FSCN3: variants seen among roughly 807,000 people sequenced by gnomAD.
FSCN3 encodes fascin actin-bundling protein 3, also known as fascin-3.
FSCN3 carries 43 observed loss-of-function variants against 53.5 expected under a neutral mutation model. The observed-to-expected ratio is 0.80, with a 90% CI of 0.63 to 1.04. The LOEUF is 1.04. FSCN3 is among the 50% of genes least tolerant of loss of function. FSCN3 has a pLI of 0.00. For missense variants in FSCN3, 594 were observed against 646.5 expected, an observed-to-expected ratio of 0.92 and a Z score of 0.88; for synonymous variants, 235 against 246.6, an observed-to-expected ratio of 0.95 and a Z score of 0.44.
At chr7:127,597,781 T>C (rs1295274894) in intron 3 of FSCN3, among the ~76,000 whole-genome samples, 1 of 152,164 alleles carries the variant, frequency 6.6e-6, no homozygotes, top group Non-Finnish European at 1.5e-5. Flanking sequence ...CCCGTTTTCA[T>C]GTGCTCATTG....
intron 3 of FSCN3, 171 bp downstream of exon 3, chr7:127,596,617 A>G: frequency 4.8e-6 from 2 of 416,734 alleles, no homozygotes; most frequent in Non-Finnish European, 8.5e-6. Context: ...AAAAAAAAAC[A>G]AAAATCAACT....
In FSCN3 at chr7:127,599,263, T is replaced by C. The variant is rs929315639; in HGVS notation, c.1121-118T>C. ...ATAAGACCTGACACATAGTAGGTGT[T>C]CATTCACTGTTAAAATATTGACCAC... On this transcript the variant is annotated intron_variant, in intron 4 of 6. Coordinates refer to ENST00000265825, the MANE Select transcript of FSCN3 (RefSeq NM_020369.3). The C allele has an allele frequency of 2.0e-5, 15 of 749,366 alleles. No individual in the cohort carries two copies. The Admixed American group carries it at 2.9e-4, about 14-fold the overall frequency. 46.4% of individuals were successfully genotyped at this position (749,366 alleles called of 1,614,324 possible).
intron 4 of FSCN3, 24 bp downstream of exon 4, chr7:127,598,618 A>G: frequency 6.4e-7 from 1 of 1,572,768 alleles, no homozygotes; most frequent in Non-Finnish European, 8.7e-7. Context: ...CCTTCCTGCC[A>G]GATGATTCCA....
intron 3 of FSCN3, among the ~76,000 whole-genome samples, chr7:127,597,650 T>C (rs1357153087): frequency 6.6e-6 from 1 of 152,050 alleles, no homozygotes; most frequent in Admixed American, 6.6e-5. Context: ...AGCTAATTTT[T>C]TGTATTTTTA....
chr7:127,595,087 A>G lies in FSCN3; in HGVS notation c.145-220A>G, dbSNP rs754332020. Reference sequence around the variant, plus strand: ...CTAGAACTTCTCTTTGGATAGTGCCATCTGGCTGCAGGGGTGGAAGGGCCC... The same window carrying G: ...CTAGAACTTCTCTTTGGATAGTGCCGTCTGGCTGCAGGGGTGGAAGGGCCC... On this transcript the variant is annotated intron_variant, in intron 1 of 6. Transcript: ENST00000265825. The G allele has an allele frequency of 1.3e-3, 808 of 599,544 alleles. 3 individuals are homozygous for G. The highest frequency in any genetic ancestry group is 1.2e-3 in the Non-Finnish European group (418 of 337,898). 37.1% of individuals were successfully genotyped at this position (599,544 alleles called of 1,614,324 possible).
intron 2 of FSCN3, 99 bp from the exon 3 acceptor site, chr7:127,596,229 T>C (rs191828376): frequency 2.5e-5 from 39 of 1,533,228 alleles, no homozygotes; most frequent in Non-Finnish European, 3.3e-5. Context: ...CAGAAAGTGA[T>C]GAAGTTTGAG....
chr7:127,600,349 C>G lies in FSCN3; in HGVS notation c.1447C>G (p.Leu483Val), dbSNP rs1562957068. Residue 483 changes from leucine to valine, a missense_variant, in exon 6 of 7, where the codon CTG becomes GTG. Transcript: ENST00000265825. ...CATGCGAGCCGACCAAAGTGGCACC[C>G]TGTTGGCAGACAGTGAAGACATTAC... ...FYMRADQSGTLLADSEDITRE... is the reference protein window; with the variant it reads ...FYMRADQSGTVLADSEDITRE... 1 of 1,613,658 alleles carries G rather than the reference C, an allele frequency of 6.2e-7. No homozygotes were observed. Among genetic ancestry groups the G allele is most frequent in the East Asian group, 2.2e-5 (1 of 44,884 alleles).
chr7:127,600,335 A>G lies in FSCN3; in HGVS notation c.1433A>G (p.Asp478Gly). Residue 478 changes from aspartate to glycine, a missense_variant, in exon 6 of 7, where the codon GAC becomes GGC. Physicochemically the swap from Asp to Gly is moderately conservative, Grantham distance 94 (BLOSUM62 -1). Transcript: ENST00000265825. The part of the protein sequence containing the change: ...LAPNGFYMRA[D>G]QSGTLLADSE... ...CCCAATGGCTTCTACATGCGAGCCG[A>G]CCAAAGTGGCACCCTGTTGGCAGAC... 6.2e-7 allele frequency: 1 copy of G among 1,613,750 alleles called. No homozygotes were observed. The highest frequency in any genetic ancestry group is 8.5e-7 in the Non-Finnish European group (1 of 1,179,604).
rs2117426925 is a variant in FSCN3 at position 127,595,564 on chromosome 7, C to T, written c.402C>T (p.His134=). 6.2e-7 allele frequency: 1 copy of T among 1,614,154 alleles called. No homozygotes were observed. The highest frequency in any genetic ancestry group is 8.5e-7 in the Non-Finnish European group (1 of 1,180,002). ...FCTSHVLSAY[H]MWTPRPALHV... ...CTTCCCACGTCCTCTCAGCTTACCA[C>T]ATGTGGACCCCCCGACCAGCCCTCC... Residue 134 remains histidine, a synonymous_variant, in exon 2 of 7, where the codon CAC becomes CAT. Transcript: ENST00000265825.
chr7:127,595,842 T>C lies in FSCN3; in HGVS notation c.680T>C (p.Leu227Pro). The change falls in exon 2 of 7, where the codon CTG becomes CCG. Residue 227 changes from leucine (L) to proline (P), a missense_variant. By Grantham distance (98) the Leu-to-Pro change is moderately conservative. Coordinates refer to ENST00000265825, the MANE Select transcript of FSCN3 (RefSeq NM_020369.3). ...MQVRPGGLVA[L>P]CDGEGGMLYP... ...GTGCGGCCTGGAGGGCTTGTGGCACTGTGTGATGGAGAAGGAGGCATGTTA... is the reference window on the plus strand; with the variant it reads ...GTGCGGCCTGGAGGGCTTGTGGCACCGTGTGATGGAGAAGGAGGCATGTTA... 1.2e-6 allele frequency: 2 copies of C among 1,613,744 alleles called. No individual in the cohort carries two copies. Among genetic ancestry groups the C allele is most frequent in the Non-Finnish European group, 1.7e-6 (2 of 1,179,824 alleles).
chr7:127,595,385 C>G lies in FSCN3; in HGVS notation c.223C>G (p.Leu75Val). ...RLKSVQGLYL[L>V]CECDGTVCYG... The stretch of plus-strand genomic sequence containing the variant: ...AAAGAGCGTGCAGGGCCTCTACCTG[C>G]TGTGTGAGTGTGATGGCACCGTGTG... The change falls in exon 2 of 7, where the codon CTG becomes GTG. Residue 75 changes from leucine to valine, a missense_variant. By Grantham distance (32) the Leu-to-Val change is conservative. Transcript: ENST00000265825. 3 of 1,614,150 alleles carry G rather than the reference C, an allele frequency of 1.9e-6. No individual in the cohort carries two copies. In the Middle Eastern group the frequency reaches 4.9e-4, roughly 266 times the overall value.
At position 127,599,417 on chromosome 7, in the gene FSCN3, G is replaced by T; in HGVS notation, c.1157G>T (p.Arg386Leu). 1 of 1,613,458 alleles carries T rather than the reference G, an allele frequency of 6.2e-7. No individual in the cohort carries two copies. Among genetic ancestry groups the T allele is most frequent in the Non-Finnish European group, 8.5e-7 (1 of 1,179,646 alleles). Residue 386 changes from arginine to leucine, a missense_variant, in exon 5 of 7, where the codon CGC becomes CTC. Transcript: ENST00000265825. ...GAATTTGGGATTTTATTTGCCAATCGCTCCTTCCTTGTATTGCGAGGTCGT... is the reference window on the plus strand; with the variant it reads ...GAATTTGGGATTTTATTTGCCAATCTCTCCTTCCTTGTATTGCGAGGTCGT... The part of the protein sequence containing the change: ...NEEFGILFAN[R>L]SFLVLRGRYG...
chr7:127,602,038 A>C lies in FSCN3; in HGVS notation c.*416A>C, dbSNP rs1562957375. ...TTAAATATCTTTTTGGTTTAGAAAA[A>C]AGGAAAGATTGTTAATCTCGTGAGC... is the stretch of plus-strand genomic sequence containing the variant. On this transcript the variant is annotated 3_prime_UTR_variant, in exon 7 of 7. Transcript: ENST00000265825. 6.6e-6 allele frequency: 1 copy of C among 152,174 alleles called. No individual in the cohort carries two copies. Among genetic ancestry groups the C allele is most frequent in the Non-Finnish European group, 1.5e-5 (1 of 68,038 alleles). 9.4% of individuals were successfully genotyped at this position (152,174 alleles called of 1,614,324 possible).
chr7:127,599,634 C>A, intron 5 of FSCN3, 83 bp downstream of exon 5: 1 of 1,321,196 alleles, frequency 7.6e-7, no homozygotes, highest in South Asian at 1.3e-5. Context: ...GCCTGCCACT[C>A]AGGGCTTGCT....
chr7:127,600,084 G>T, intron 5 of FSCN3, 110 bp from the exon 6 acceptor site: 1 of 681,834 alleles, frequency 1.5e-6, no homozygotes. Flanking sequence ...ATGCAGGCAG[G>T]ATGGGGCAGC....
At chr7:127,599,628 G>A in intron 5 of FSCN3, 77 bp downstream of exon 5, 3 of 1,344,514 alleles carry the variant, frequency 2.2e-6, no homozygotes, top group East Asian at 2.3e-5. Flanking sequence ...TTCAGGGCCT[G>A]CCACTCAGGG....
Position 127,595,693 on chromosome 7 carries a change from G to A in FSCN3, c.531G>A (p.Glu177=). 1 of 1,614,096 alleles carries A rather than the reference G, an allele frequency of 6.2e-7. No individual in the cohort carries two copies. The highest frequency in any genetic ancestry group is 8.5e-7 in the Non-Finnish European group (1 of 1,179,928). The part of the protein sequence containing the change: ...WVDAAVPCLE[E]CGFLLHFRDG... Reference sequence around the variant, plus strand: ...ACGCAGCAGTTCCCTGCCTGGAGGAGTGTGGCTTCCTGTTGCATTTCCGAG... The same window carrying A: ...ACGCAGCAGTTCCCTGCCTGGAGGAATGTGGCTTCCTGTTGCATTTCCGAG... Residue 177 remains glutamate (E), a synonymous_variant, in exon 2 of 7, where the codon GAG becomes GAA. Coordinates refer to ENST00000265825, the MANE Select transcript of FSCN3 (RefSeq NM_020369.3).
At position 127,598,439 on chromosome 7, in the gene FSCN3, G is replaced by C; in HGVS notation, c.965G>C (p.Arg322Pro). The stretch of plus-strand genomic sequence containing the variant: ...TGTTTCTGACATTCTTTCCAGAGGC[G>C]CCACAGGGCAGTAATGGCTGATGGG... ...SANGYYLSQRRHRAVMADGHP... is the reference protein window; with the variant it reads ...SANGYYLSQRPHRAVMADGHP... The change falls in exon 4 of 7, where the codon CGC becomes CCC. Residue 322 changes from arginine (R) to proline (P), a missense_variant. Coordinates refer to ENST00000265825, the MANE Select transcript of FSCN3 (RefSeq NM_020369.3). 6.2e-7 allele frequency: 1 copy of C among 1,613,404 alleles called. No homozygotes were observed. Among genetic ancestry groups the C allele is most frequent in the Middle Eastern group, 1.7e-4 (1 of 6,060 alleles).
At position 127,593,859 on chromosome 7, in the gene FSCN3, T is replaced by C; in HGVS notation, c.6T>C (p.Asp2=). 1.9e-6 allele frequency: 3 copies of C among 1,566,546 alleles called. No homozygotes were observed. Among genetic ancestry groups the C allele is most frequent in the South Asian group, 1.2e-5 (1 of 85,040 alleles). Residue 2 remains aspartate, a synonymous_variant, in exon 1 of 7, where the codon GAT becomes GAC. Coordinates refer to ENST00000265825, the MANE Select transcript of FSCN3 (RefSeq NM_020369.3). M[D]ETEWIHRHPK... ...TCACCTGTGGTGTCAGCCCCATGGATGAGACAGAGTGGATACACAGACATC... is the reference window on the plus strand; with the variant it reads ...TCACCTGTGGTGTCAGCCCCATGGACGAGACAGAGTGGATACACAGACATC...
Sources: gnomAD v4.1 joint callset for allele counts (sites outside exome capture counted in the v4.1 genomes callset) on GRCh38, gnomAD v4.1.1 for gene constraint, MANE v1.5 for transcripts, NCBI Gene and HGNC (gene_info 2026-07-23, HGNC 2026-07-21) for gene names.